Variants in GRIK3 observed in about 807,000 individuals in gnomAD.
GRIK3 encodes glutamate ionotropic receptor kainate type subunit 3, also known as glutamate receptor ionotropic, kainate 3.
In GRIK3, 29 loss-of-function variants were observed where a neutral mutation model predicts 102.5. That is an observed-to-expected ratio of 0.28 (90% CI 0.21 to 0.39). The LOEUF (loss-of-function observed/expected upper bound fraction) is 0.39, where lower values mean the gene tolerates loss of function less well. Ranked by LOEUF, GRIK3 falls within the 10% of genes least tolerant of loss-of-function variation. The pLI is 1.00. For synonymous variants in GRIK3, 511 were observed against 504.9 expected (o/e 1.01, Z -0.16); for missense variants, 908 against 1,252.4 (o/e 0.73, Z 4.15).
intron 10 of GRIK3, among the ~76,000 whole-genome samples, chr1:36,838,219 A>G (rs1640404164): frequency 6.6e-6 from 1 of 152,120 alleles, no homozygotes; most frequent in African/African-American, 2.4e-5. Flanking sequence ...TGTTATCCCC[A>G]TTTTGTAGAC....
In GRIK3 at chr1:36,933,049, C is replaced by T. The variant is rs559260843; in HGVS notation, c.116-41953G>A. ...AGAACCACGTTTACCATTCATTCTG[C>T]AGTCTGTTACATTGTCTGTTTCTAT... On this transcript the variant is annotated intron_variant, in intron 1 of 15. Transcript: ENST00000373091. 8.1e-4 allele frequency among the ~76,000 whole-genome samples: 124 copies of T among 152,296 alleles called. 1 individual carries two copies. Among genetic ancestry groups the T allele is most frequent in the Admixed American group, 1.5e-3 (23 of 15,308 alleles).
intron 10 of GRIK3, among the ~76,000 whole-genome samples, chr1:36,839,164 C>T (rs1265471060): frequency 4.6e-5 from 7 of 152,128 alleles, no homozygotes; most frequent in East Asian, 1.9e-4. Context: ...CCACCTTCCA[C>T]GTGATCTTCC....
chr1:36,809,613 T>C (rs1026858790), intron 13 of GRIK3, among the ~76,000 whole-genome samples: 7 of 152,224 alleles, frequency 4.6e-5, no homozygotes, highest in African/African-American at 1.4e-4. Flanking sequence ...CTCCTCCTTG[T>C]ATCCTCCCCA....
intron 1 of GRIK3, among the ~76,000 whole-genome samples, chr1:36,916,150 C>T (rs1421508254): frequency 6.6e-5 from 10 of 152,130 alleles, no homozygotes; most frequent in Non-Finnish European, 1.2e-4. Flanking sequence ...TATGTTTTAG[C>T]AAAGAGACTG....
intron 1 of GRIK3, among the ~76,000 whole-genome samples, chr1:36,965,564 A>G (rs2124352599): frequency 6.6e-6 from 1 of 152,208 alleles, no homozygotes; most frequent in East Asian, 1.9e-4. Flanking sequence ...ATGGGGGGAG[A>G]GAGGTCCCAG....
chr1:36,936,240 C>A (rs771463086), intron 1 of GRIK3, among the ~76,000 whole-genome samples: 21 of 152,284 alleles, frequency 1.4e-4, no homozygotes, highest in Non-Finnish European at 2.6e-4. Context: ...ATCATCCCCC[C>A]ATCCTGGAGG....
Position 36,806,398 on chromosome 1 carries a change from G to T in GRIK3, c.2092-72C>A. The T allele has an allele frequency of 2.3e-6, 2 of 888,642 alleles. No individual in the cohort carries two copies. The highest frequency in any genetic ancestry group is 3.6e-6 in the Non-Finnish European group (2 of 562,318). 55.0% of individuals were successfully genotyped at this position (888,642 alleles called of 1,614,324 possible). The stretch of plus-strand genomic sequence containing the variant: ...CCAGGGACCAAGCACCGCATACCCT[G>T]CACAACGTGGGTTGGGGCCTTGAAC... On this transcript the variant is annotated intron_variant, in intron 13 of 15. Transcript: ENST00000373091. The surrounding 1 kb of genome is among the most constrained non-coding windows in gnomAD (Gnocchi z 4.0).
chr1:36,998,683 C>A (rs1642443940), intron 1 of GRIK3, among the ~76,000 whole-genome samples: 2 of 152,206 alleles, frequency 1.3e-5, no homozygotes, highest in Admixed American at 1.3e-4. Context: ...AGAAGAGGAA[C>A]TTCTACAAAA....
chr1:36,927,506 T>G (rs1641540264), intron 1 of GRIK3, among the ~76,000 whole-genome samples: 1 of 152,156 alleles, frequency 6.6e-6, no homozygotes, highest in African/African-American at 2.4e-5. Context: ...TGTCCTAGTT[T>G]GCAAAATGAA....
intron 1 of GRIK3, among the ~76,000 whole-genome samples, chr1:36,898,885 A>G (rs1160106227): frequency 6.6e-6 from 1 of 152,208 alleles, no homozygotes; most frequent in Admixed American, 6.5e-5. Flanking sequence ...CCTCACATGT[A>G]TGGTTAAATG....
intron 5 of GRIK3, among the ~76,000 whole-genome samples, chr1:36,867,245 A>T (rs1640795686): frequency 6.6e-6 from 1 of 152,058 alleles, no homozygotes; most frequent in African/African-American, 2.4e-5. Context: ...GCCTCTTCTC[A>T]CCATCTCTTT....
At chr1:36,936,137 G>C (rs1641655020) in intron 1 of GRIK3, among the ~76,000 whole-genome samples, 1 of 152,200 alleles carries the variant, frequency 6.6e-6, no homozygotes, top group Non-Finnish European at 1.5e-5. Flanking sequence ...ATCATCCTCA[G>C]ACTGAAGAGT....
At chr1:36,934,299 C>A (rs901402132) in intron 1 of GRIK3, among the ~76,000 whole-genome samples, 1 of 152,222 alleles carries the variant, frequency 6.6e-6, no homozygotes, top group Non-Finnish European at 1.5e-5. Context: ...TTTCTGCCTG[C>A]CTACTCTCCT....
intron 9 of GRIK3, among the ~76,000 whole-genome samples, chr1:36,847,285 C>T (rs1203020870): frequency 6.6e-6 from 1 of 152,146 alleles, no homozygotes; most frequent in Non-Finnish European, 1.5e-5. Flanking sequence ...CCTAATGCCT[C>T]CAATGGCCAG....
intron 9 of GRIK3, among the ~76,000 whole-genome samples, chr1:36,844,088 C>T (rs562190247): frequency 2.6e-5 from 4 of 152,346 alleles, no homozygotes; most frequent in African/African-American, 9.6e-5. Context: ...CCCTCTCTCC[C>T]AGCAGTGCTA....
chr1:36,970,054 C>T (rs1394390412), intron 1 of GRIK3, among the ~76,000 whole-genome samples: 1 of 152,142 alleles, frequency 6.6e-6, no homozygotes, highest in Non-Finnish European at 1.5e-5. Context: ...GGTGTGATAT[C>T]CAAAAACTGA....
chr1:36,902,549 A>G (rs1232608041), intron 1 of GRIK3, among the ~76,000 whole-genome samples: 1 of 152,246 alleles, frequency 6.6e-6, no homozygotes, highest in African/African-American at 2.4e-5. Context: ...ATCTAGACAC[A>G]GACCTTACAC....
chr1:36,959,879 G>A (rs1641982270), intron 1 of GRIK3, among the ~76,000 whole-genome samples: 1 of 83,850 alleles, frequency 1.2e-5, no homozygotes. Flanking sequence ...TGAGCCGTGT[G>A]CCCCATGATT....
chr1:36,860,003 T>C lies in GRIK3; in HGVS notation c.801A>G (p.Leu267=), dbSNP rs776006230. The change falls in exon 6 of 16, where the codon TTA becomes TTG. Residue 267 remains leucine, a synonymous_variant. Transcript: ENST00000373091. ...FIFTTLDLYA[L]DLEPYRYSGV... ...CTGAGTAGCGGTAGGGCTCCAGGTC[T>C]AAAGCGTAGAGATCCTGGATAGAGA... 1.9e-6 allele frequency: 3 copies of C among 1,598,558 alleles called. No homozygotes were observed. Among genetic ancestry groups the C allele is most frequent in the African/African-American group, 2.7e-5 (2 of 74,238 alleles).
Sources: allele counts gnomAD v4.1 joint callset (sites outside exome capture counted in the v4.1 genomes callset), GRCh38; gene constraint gnomAD v4.1.1; non-coding constraint Gnocchi (gnomAD v3.1); transcripts MANE v1.5; gene names NCBI Gene and HGNC (gene_info 2026-07-23, HGNC 2026-07-21).